Variants in IQCM observed in about 807,000 individuals in gnomAD.
IQCM encodes the protein IQ domain-containing protein M.
In IQCM, 45 loss-of-function variants were observed where a neutral mutation model predicts 57.6. That is an observed-to-expected ratio of 0.78 (90% CI 0.62 to 1.00). IQCM has a LOEUF of 1.00. IQCM is among the 50% of genes least tolerant of loss of function. IQCM has a pLI of 0.00. For synonymous variants in IQCM, 148 were observed against 158.9 expected (o/e 0.93, Z 0.51); for missense variants, 468 against 511.6 (o/e 0.91, Z 0.82).
intron 13 of IQCM, 148 bp from the exon 14 acceptor site, chr4:149,352,214 G>T: frequency 2.6e-6 from 1 of 392,032 alleles, no homozygotes; most frequent in Non-Finnish European, 4.5e-6. Context: ...CATTTCCTTC[G>T]GGTGTAGTGT....
chr4:149,572,582 C>T (rs565601359), intron 9 of IQCM, among the ~76,000 whole-genome samples: 12 of 151,938 alleles, frequency 7.9e-5, no homozygotes, highest in Non-Finnish European at 1.3e-4. Context: ...AATGAACATC[C>T]CATATTTCAT....
In IQCM at chr4:149,514,014, GTTTGT is replaced by G. The variant is rs1249448081; in HGVS notation, c.1228+34436_1228+34440del. On this transcript the variant is annotated intron_variant, in intron 12 of 13. Transcript: ENST00000636793. ...CTTATCATTTCATTTTCTATGTTAT[GTTTGT>G]TTTATGTGTCACTCAAATATATCTT... Among the ~76,000 whole-genome samples the G allele has an allele frequency of 6.6e-5, 10 of 152,078 alleles. No individual in the cohort carries two copies. In the East Asian group the frequency reaches 1.9e-3, roughly 29 times the overall value.
chr4:149,673,047 A>C (rs1761440518), intron 7 of IQCM, among the ~76,000 whole-genome samples: 1 of 152,200 alleles, frequency 6.6e-6, no homozygotes, highest in Admixed American at 6.5e-5. Context: ...TAAAGGAGAA[A>C]TAAAATCCTT....
At chr4:149,480,188 G>A (rs1740630914) in intron 12 of IQCM, among the ~76,000 whole-genome samples, 1 of 151,694 alleles carries the variant, frequency 6.6e-6, no homozygotes. Flanking sequence ...TTTAATTTTT[G>A]TGAGTACACA....
intron 2 of IQCM, among the ~76,000 whole-genome samples, chr4:149,796,032 T>A (rs1203160663): frequency 3.9e-5 from 6 of 152,184 alleles, no homozygotes. Flanking sequence ...AGACTCCTTG[T>A]GCTTGAGAAA....
chr4:149,637,332 T>C (rs1757818495), intron 7 of IQCM, among the ~76,000 whole-genome samples: 1 of 152,072 alleles, frequency 6.6e-6, no homozygotes, highest in Non-Finnish European at 1.5e-5. Flanking sequence ...ATAAATAGCA[T>C]GTAAGAACTG....
chr4:149,711,442 A>G (rs144187160), intron 5 of IQCM, among the ~76,000 whole-genome samples: 223 of 152,294 alleles, frequency 1.5e-3, no homozygotes, highest in African/African-American at 5.2e-3. Context: ...TCTGAGTCTG[A>G]GTTTTCCTGT....
intron 13 of IQCM, among the ~76,000 whole-genome samples, chr4:149,368,759 TATATATATATAC>T (rs1266723167): frequency 1.5e-5 from 1 of 67,124 alleles, no homozygotes; most frequent in African/African-American, 4.8e-5. Context: ...TATACATGTA[TATATATATATAC>T]ATATATATAC....
chr4:149,665,779 T>C (rs1469240311), intron 7 of IQCM, among the ~76,000 whole-genome samples: 7 of 152,088 alleles, frequency 4.6e-5, no homozygotes, highest in South Asian at 2.1e-4. Flanking sequence ...CCACCCTCAA[T>C]CTGGGTAGGC....
At chr4:149,590,575 T>C (rs1450632420) in intron 8 of IQCM, among the ~76,000 whole-genome samples, 2 of 151,808 alleles carry the variant, frequency 1.3e-5, no homozygotes, top group African/African-American at 4.8e-5. Flanking sequence ...TGCATTAGGT[T>C]TTTCTCCTAA....
intron 8 of IQCM, among the ~76,000 whole-genome samples, chr4:149,616,601 T>C (rs1484149869): frequency 6.6e-6 from 1 of 152,088 alleles, no homozygotes; most frequent in Non-Finnish European, 1.5e-5. Flanking sequence ...GTTATGTATA[T>C]TTTACAAAAT....
intron 5 of IQCM, among the ~76,000 whole-genome samples, chr4:149,686,739 T>C (rs1270163602): frequency 6.6e-6 from 1 of 151,568 alleles, no homozygotes; most frequent in East Asian, 1.9e-4. Context: ...GAGAAATGGC[T>C]GCAACAGCAT....
At chr4:149,483,288 C>G (rs1301685047) in intron 12 of IQCM, among the ~76,000 whole-genome samples, 1 of 151,542 alleles carries the variant, frequency 6.6e-6, no homozygotes, top group Non-Finnish European at 1.5e-5. Flanking sequence ...CTCTGACCAT[C>G]ATTATTTCTT....
intron 13 of IQCM, among the ~76,000 whole-genome samples, chr4:149,372,257 A>T (rs1730417236): frequency 6.6e-6 from 1 of 152,176 alleles, no homozygotes; most frequent in South Asian, 2.1e-4. Flanking sequence ...TTATCTTTAC[A>T]TTAAATTTAC....
At chr4:149,608,918 T>C (rs1579683487) in intron 8 of IQCM, among the ~76,000 whole-genome samples, 1 of 150,974 alleles carries the variant, frequency 6.6e-6, no homozygotes, top group African/African-American at 2.4e-5. Flanking sequence ...CAGACATAAA[T>C]GAAATGAAAA....
chr4:149,607,411 A>G (rs1214137562), intron 8 of IQCM, among the ~76,000 whole-genome samples: 1 of 151,988 alleles, frequency 6.6e-6, no homozygotes, highest in East Asian at 1.9e-4. Context: ...TCAACCTGAG[A>G]AAAAAAAGAG....
chr4:149,761,780 G>A (rs1769542522), intron 2 of IQCM, among the ~76,000 whole-genome samples: 2 of 152,064 alleles, frequency 1.3e-5, no homozygotes, highest in Admixed American at 1.3e-4. Context: ...TTTGTTAGTA[G>A]TACAAAGAGC....
chr4:149,805,636 AC>A (rs1051761179), intron 2 of IQCM, among the ~76,000 whole-genome samples: 3 of 152,104 alleles, frequency 2.0e-5, no homozygotes, highest in African/African-American at 7.2e-5. Flanking sequence ...TTTTTTCATT[AC>A]ACAAATAAAA....
chr4:149,687,148 T>C (rs146683841), intron 5 of IQCM, among the ~76,000 whole-genome samples: 5 of 151,714 alleles, frequency 3.3e-5, no homozygotes, highest in African/African-American at 4.8e-5. Flanking sequence ...TAATAAAAGA[T>C]ACAGAACACA....
Sources: gnomAD v4.1 joint callset for allele counts (sites outside exome capture counted in the v4.1 genomes callset) on GRCh38, gnomAD v4.1.1 for gene constraint, MANE v1.5 for transcripts, NCBI Gene and HGNC (gene_info 2026-07-23, HGNC 2026-07-21) for gene names.